Variants in GRIP1 observed in about 807,000 individuals in gnomAD.
GRIP1 encodes the protein glutamate receptor interacting protein 1, also known as glutamate receptor-interacting protein 1.
In GRIP1, 45 loss-of-function variants were observed where a neutral mutation model predicts 129.9. The observed-to-expected ratio is 0.35, with a 90% confidence interval of 0.27 to 0.44. GRIP1 has a LOEUF of 0.44. GRIP1 is among the 20% of genes least tolerant of loss of function. GRIP1 has a pLI of 1.00. For missense variants in GRIP1, 1,196 were observed against 1,396.8 expected (o/e 0.86, Z 2.29); for synonymous variants, 530 against 520.8 (o/e 1.02, Z -0.24).
intron 13 of GRIP1, among the ~76,000 whole-genome samples, chr12:66,435,198 G>A (rs536074932): frequency 3.3e-4 from 40 of 120,762 alleles, no homozygotes; most frequent in African/African-American, 1.1e-3. Context: ...ACAAACGTGT[G>A]ACCATTTTTT....
intron 1 of GRIP1, among the ~76,000 whole-genome samples, chr12:66,756,302 T>C (rs1174290982): frequency 6.6e-6 from 1 of 152,170 alleles, no homozygotes; most frequent in Non-Finnish European, 1.5e-5. Flanking sequence ...TTGGTGACTC[T>C]CTTCCCTTTT....
At chr12:66,635,693 C>T (rs2031292622) in intron 1 of GRIP1, among the ~76,000 whole-genome samples, 1 of 151,870 alleles carries the variant, frequency 6.6e-6, no homozygotes, top group African/African-American at 2.4e-5. Flanking sequence ...ATAAAAGAAA[C>T]AAAGGATTAG....
chr12:66,647,045 A>C (rs2032427485), intron 1 of GRIP1, among the ~76,000 whole-genome samples: 1 of 152,238 alleles, frequency 6.6e-6, no homozygotes, highest in Non-Finnish European at 1.5e-5. Context: ...CCAAAGCTGC[A>C]GACTAGGGAA....
At chr12:66,634,186 T>C (rs61926098) in intron 1 of GRIP1, among the ~76,000 whole-genome samples, 9,306 of 152,296 alleles carry the variant, frequency 0.061, 343 homozygotes, top group East Asian at 0.11. Context: ...ACATTTCCAA[T>C]GTGAAATTTA....
At chr12:67,015,710 G>A (rs1047786908) in intron 1 of GRIP1, among the ~76,000 whole-genome samples, 1 of 152,158 alleles carries the variant, frequency 6.6e-6, no homozygotes, top group African/African-American at 2.4e-5. Context: ...TCCGGCTTAA[G>A]GGCTTCAACC....
rs147664098 is a variant in GRIP1, at chr12:66,501,430, T to C, written c.724+14189A>G. Reference sequence around the variant, plus strand: ...TAATGGAAGGTAAAAAAGAAGAATATTTTTTTCCCCAGTGAATGACTGGAG... The same window carrying C: ...TAATGGAAGGTAAAAAAGAAGAATACTTTTTTCCCCAGTGAATGACTGGAG... On this transcript the variant is annotated intron_variant, in intron 7 of 24. Transcript: ENST00000359742. Among the ~76,000 whole-genome samples the C allele has an allele frequency of 1.2e-3, 188 of 152,216 alleles. 1 individual carries two copies. The highest frequency in any genetic ancestry group is 1.6e-3 in the Non-Finnish European group (111 of 68,018).
At chr12:66,731,746 G>T (rs1187441306) in intron 1 of GRIP1, among the ~76,000 whole-genome samples, 2 of 152,156 alleles carry the variant, frequency 1.3e-5, no homozygotes, top group Non-Finnish European at 2.9e-5. Flanking sequence ...ACTAAAAGTG[G>T]TTAAAATGGT....
intron 1 of GRIP1, among the ~76,000 whole-genome samples, chr12:66,946,689 C>G (rs975589440): frequency 3.3e-5 from 5 of 149,858 alleles, no homozygotes; most frequent in African/African-American, 1.2e-4. Flanking sequence ...GTCAATATGT[C>G]CCTTTAAAAA....
chr12:66,795,118 C>T (rs970515225), intron 1 of GRIP1, among the ~76,000 whole-genome samples: 1 of 152,124 alleles, frequency 6.6e-6, no homozygotes, highest in African/African-American at 2.4e-5. Flanking sequence ...AAAATACTTG[C>T]AGAAGTTAAT....
intron 1 of GRIP1, among the ~76,000 whole-genome samples, chr12:66,729,255 T>C (rs549846424): frequency 1.3e-5 from 2 of 152,260 alleles, no homozygotes; most frequent in Non-Finnish European, 2.9e-5. Context: ...ATATTATCTG[T>C]TACTTTCTGG....
At position 66,723,313 on chromosome 12, in the gene GRIP1, T is replaced by C. The variant is rs1247088465; in HGVS notation, c.-420+80740A>G. Reference sequence around the variant, plus strand: ...CTTTCTTTCTTTCTTTCTTTTTTTTTTTTTTTTTTTTTTTTTTGAGACAGA... The same window carrying C: ...CTTTCTTTCTTTCTTTCTTTTTTTTCTTTTTTTTTTTTTTTTTGAGACAGA... On this transcript the variant is annotated intron_variant, in intron 1 of 4. Coordinates refer to the GRIP1 transcript ENST00000538373. Among the ~76,000 whole-genome samples the C allele has an allele frequency of 4.0e-3, 337 of 84,424 alleles. 22 individuals are homozygous for C. Among genetic ancestry groups the C allele is most frequent in the Admixed American group, 5.4e-3 (38 of 7,002 alleles). The allele number at this position is 84,424 out of a possible 152,430, so 55.4% of individuals were successfully genotyped here.
chr12:66,743,006 G>T (rs954405872), intron 1 of GRIP1, among the ~76,000 whole-genome samples: 5 of 152,068 alleles, frequency 3.3e-5, no homozygotes, highest in African/African-American at 1.2e-4. Context: ...AGAAACAGCA[G>T]CCTTTCCTGA....
intron 1 of GRIP1, among the ~76,000 whole-genome samples, chr12:66,701,621 T>G (rs1372988857): frequency 6.6e-6 from 1 of 152,194 alleles, no homozygotes; most frequent in Admixed American, 6.6e-5. Context: ...TCTGGATTCC[T>G]CCTATTATCC....
At chr12:66,930,569 T>G (rs566043512) in intron 1 of GRIP1, among the ~76,000 whole-genome samples, 139 of 152,182 alleles carry the variant, frequency 9.1e-4, no homozygotes, top group Admixed American at 2.2e-3. Flanking sequence ...ATAAACATAC[T>G]TGTGCATGTG....
At chr12:66,861,790 T>A (rs2040117085) in intron 1 of GRIP1, among the ~76,000 whole-genome samples, 1 of 152,136 alleles carries the variant, frequency 6.6e-6, no homozygotes, top group Admixed American at 6.6e-5. Context: ...AACAGGCTCC[T>A]CTTGAATCCT....
intron 9 of GRIP1, among the ~76,000 whole-genome samples, chr12:66,457,720 G>T (rs4128160): frequency 0.4 from 60,261 of 151,794 alleles, 12,986 homozygotes; most frequent in African/African-American, 0.55. Context: ...TGGTCAATTC[G>T]CATCCTTTCT....
At position 66,907,369 on chromosome 12, in the gene GRIP1, T is replaced by C. The variant is rs1019141834; in HGVS notation, c.58+161681A>G. Among the ~76,000 whole-genome samples the C allele has an allele frequency of 5.3e-4, 81 of 152,144 alleles. 1 individual carries two copies. Among genetic ancestry groups the C allele is most frequent in the Non-Finnish European group, 2.4e-4 (16 of 68,026 alleles). On this transcript the variant is annotated intron_variant, in intron 1 of 1. Coordinates refer to the GRIP1 transcript ENST00000643019. ...ACATTAGGCATTGGAAATATAGCAT[T>C]GAACAAGACATAAATGGCCTCTGCT... is the stretch of plus-strand genomic sequence containing the variant.
chr12:66,597,009 C>A (rs2064079374), intron 1 of GRIP1, 82 bp from the exon 2 acceptor site: 1 of 945,906 alleles, frequency 1.1e-6, no homozygotes, highest in South Asian at 1.3e-5. Flanking sequence ...TGCAATCCTT[C>A]TGCGAGAGAG....
At chr12:66,892,115 G>A (rs868147114) in intron 1 of GRIP1, among the ~76,000 whole-genome samples, 1 of 152,164 alleles carries the variant, frequency 6.6e-6, no homozygotes, top group African/African-American at 2.4e-5. Context: ...AGTGGTGTCA[G>A]GGTGAGCACA....
Sources: gnomAD v4.1 joint callset for allele counts (sites outside exome capture counted in the v4.1 genomes callset) on GRCh38, gnomAD v4.1.1 for gene constraint, MANE v1.5 for transcripts, NCBI Gene and HGNC (gene_info 2026-07-23, HGNC 2026-07-21) for gene names.